ZNF280D: variants seen among roughly 807,000 people sequenced by gnomAD.
ZNF280D encodes suppressor of hairy wing homolog 4.
A neutral mutation model predicts 94.7 loss-of-function variants in ZNF280D; 39 were observed. The observed-to-expected ratio is 0.41, with a 90% CI of 0.32 to 0.54. ZNF280D has a LOEUF of 0.54. ZNF280D is among the 20% of genes least tolerant of loss of function. The pLI is 0.22. For missense variants in ZNF280D, 1,090 were observed against 1,149.3 expected (o/e 0.95, Z 0.75); for synonymous variants, 398 against 377.6 (o/e 1.05, Z -0.63).
At chr15:56,721,010 T>C (rs2058332233) in intron 1 of ZNF280D, among the ~76,000 whole-genome samples, 1 of 148,380 alleles carries the variant, frequency 6.7e-6, no homozygotes. Flanking sequence ...TTGACCAGCC[T>C]TGAGTGCAGT....
chr15:56,700,476 CA>C lies in ZNF280D; in HGVS notation c.381+456del. On this transcript the variant is annotated intron_variant, in intron 6 of 21. Coordinates refer to ENST00000267807, the MANE Select transcript of ZNF280D (RefSeq NM_017661.4). ...TACCATTTTCTATTACTTTTTGTAA[CA>C]AAAAAAGTGGGAGTTTTTTGTAATA... The C allele has an allele frequency of 4.2e-6, 4 of 950,914 alleles. No homozygotes were observed. In the South Asian group the frequency reaches 1.3e-4, roughly 31 times the overall value. The allele number at this position is 950,914 out of a possible 1,614,324, so 58.9% of individuals were successfully genotyped here.
At chr15:56,649,405 G>T (rs1048594799) in intron 19 of ZNF280D, among the ~76,000 whole-genome samples, 9 of 152,022 alleles carry the variant, frequency 5.9e-5, no homozygotes, top group Non-Finnish European at 1.3e-4. Context: ...AGTCCAAATT[G>T]CCAGAAACCA....
intron 6 of ZNF280D, among the ~76,000 whole-genome samples, chr15:56,697,590 A>G (rs2056830811): frequency 6.6e-6 from 1 of 152,220 alleles, no homozygotes; most frequent in Non-Finnish European, 1.5e-5. Context: ...TAAACAATAT[A>G]CATTTTTAGG....
At chr15:56,639,968 T>G (rs1446643709) in intron 20 of ZNF280D, among the ~76,000 whole-genome samples, 2 of 152,150 alleles carry the variant, frequency 1.3e-5, no homozygotes, top group Non-Finnish European at 2.9e-5. Context: ...CAGCGATTTT[T>G]TTTTTATGTG....
intron 19 of ZNF280D, chr15:56,653,410 G>T (rs1483265937): frequency 1.5e-6 from 2 of 1,375,650 alleles, no homozygotes; most frequent in Non-Finnish European, 1.9e-6. Context: ...CCTTATGGGA[G>T]GCCAGCCATG....
chr15:56,658,522 T>C (rs746451879), intron 16 of ZNF280D, 36 bp from the exon 17 acceptor site: 3 of 1,429,424 alleles, frequency 2.1e-6, no homozygotes, highest in Non-Finnish European at 2.8e-6. Flanking sequence ...AATTTTATTA[T>C]ACAATAAGTC....
Position 56,699,466 on chromosome 15 carries a change from A to G in ZNF280D, c.381+1467T>C, listed in dbSNP as rs1053418891. 20 of 841,328 alleles carry G rather than the reference A, an allele frequency of 2.4e-5. No homozygotes were observed. The East Asian group carries it at 2.2e-3, about 94-fold the overall frequency. The allele number at this position is 841,328 out of a possible 1,614,324, so 52.1% of individuals were successfully genotyped here. On this transcript the variant is annotated intron_variant, in intron 6 of 21. Coordinates refer to ENST00000267807, the MANE Select transcript of ZNF280D (RefSeq NM_017661.4). ...ATTTTTTGGTTTTAGATATTAATCT[A>G]TACCCAGTTCAAACTGTGGAAACTG... is the stretch of plus-strand genomic sequence containing the variant.
At position 56,700,981 on chromosome 15, in the gene ZNF280D, C is replaced by G. The variant is rs771671078; in HGVS notation, c.333G>C (p.Glu111Asp). ...TAACAGAACTATCTGAAGATCTAGA[C>G]TCAGGATGAAAATTTATTGGTGAGG... ...VPASPINFHP[E>D]SRSSDSSVIV... The change falls in exon 6 of 22, where the codon GAG (glutamate) becomes GAC (aspartate). Residue 111 changes from glutamate (E) to aspartate (D), a missense_variant. By Grantham distance (45) the Glu-to-Asp change is conservative. Around this residue, in one of 3 missense-constraint regions of ZNF280D, gnomAD observed 386 missense variants for 372.0 expected, o/e 1.04. Coordinates refer to ENST00000267807, the MANE Select transcript of ZNF280D (RefSeq NM_017661.4). 1.2e-6 allele frequency: 2 copies of G among 1,613,712 alleles called. No homozygotes were observed. Among genetic ancestry groups the G allele is most frequent in the African/African-American group, 2.7e-5 (2 of 74,886 alleles).
In ZNF280D at chr15:56,661,883, T is replaced by C. The variant is rs564326504; in HGVS notation, c.1995-3397A>G. Among the ~76,000 whole-genome samples, 15 of 152,296 alleles carry C rather than the reference T, an allele frequency of 9.8e-5. No homozygotes were observed. The South Asian group carries it at 2.9e-3, about 30-fold the overall frequency. On this transcript the variant is annotated intron_variant, in intron 16 of 21. Transcript: ENST00000267807. ...CAGTTTTTCTAAAAGTCACAATAAC[T>C]TTCTTTTCAAGAAATGCAATCTGAG...
chr15:56,682,242 G>A lies in ZNF280D; in HGVS notation c.1004+12C>T. ...CAATTTTCAATAGAAATAAAAACAAGTATTTACATACCTAATGTTATTTTT... is the reference window on the plus strand; with the variant it reads ...CAATTTTCAATAGAAATAAAAACAAATATTTACATACCTAATGTTATTTTT... On this transcript the variant is annotated intron_variant, in intron 10 of 21. Coordinates refer to ENST00000267807, the MANE Select transcript of ZNF280D (RefSeq NM_017661.4). 6.7e-7 allele frequency: 1 copy of A among 1,493,578 alleles called. No homozygotes were observed. The highest frequency in any genetic ancestry group is 9.0e-7 in the Non-Finnish European group (1 of 1,105,972). 92.5% of individuals were successfully genotyped at this position (1,493,578 alleles called of 1,614,324 possible). A position where few individuals can be genotyped will look rare whatever the true frequency, so the allele number is the denominator to read the frequency against.
chr15:56,689,271 T>C, intron 8 of ZNF280D, 29 bp downstream of exon 8: 1 of 1,584,362 alleles, frequency 6.3e-7, no homozygotes. Flanking sequence ...TACTATAACT[T>C]CTTTTTATGT....
chr15:56,700,277 G>A, intron 6 of ZNF280D: 2 of 654,414 alleles, frequency 3.1e-6, no homozygotes, highest in Non-Finnish European at 3.8e-6. Context: ...TGCCAGCTTT[G>A]GGATCTTGAA....
chr15:56,635,658 T>G (rs1050128257), intron 20 of ZNF280D: 4 of 152,398 alleles, frequency 2.6e-5, no homozygotes, highest in African/African-American at 9.6e-5. Context: ...GGTATTTAGA[T>G]AAAACATTTC....
At chr15:56,723,017 G>C (rs1355428851) in intron 1 of ZNF280D, among the ~76,000 whole-genome samples, 2 of 142,384 alleles carry the variant, frequency 1.4e-5, no homozygotes, top group Non-Finnish European at 3.0e-5. Flanking sequence ...TCATAGGTGG[G>C]AAATGAACAA....
At position 56,631,332 on chromosome 15, in the gene ZNF280D, G is replaced by T; in HGVS notation, c.*166C>A. On this transcript the variant is annotated 3_prime_UTR_variant, in exon 22 of 22. Transcript: ENST00000267807. ...CCCTACTAATCATGCTATTATTGGT[G>T]AATTGATTTGTTTGATAACATAGGT... 3.0e-6 allele frequency: 2 copies of T among 674,428 alleles called. No homozygotes were observed. The highest frequency in any genetic ancestry group is 4.9e-6 in the Non-Finnish European group (2 of 410,282). 41.8% of individuals were successfully genotyped at this position (674,428 alleles called of 1,614,324 possible). A position where few individuals can be genotyped will look rare whatever the true frequency, so the allele number is the denominator to read the frequency against.
intron 6 of ZNF280D, among the ~76,000 whole-genome samples, chr15:56,694,480 T>C (rs959164402): frequency 6.6e-6 from 1 of 152,076 alleles, no homozygotes; most frequent in Non-Finnish European, 1.5e-5. Flanking sequence ...GAAAAAAGGC[T>C]ATCACTTTAG....
intron 19 of ZNF280D, among the ~76,000 whole-genome samples, chr15:56,651,647 A>T (rs1407148884): frequency 6.6e-6 from 1 of 151,906 alleles, no homozygotes; most frequent in Non-Finnish European, 1.5e-5. Flanking sequence ...GGTCGCCCCT[A>T]CCTCCCCAAA....
intron 4 of ZNF280D, among the ~76,000 whole-genome samples, chr15:56,702,140 A>G (rs1207836780): frequency 6.6e-6 from 1 of 152,126 alleles, no homozygotes; most frequent in Non-Finnish European, 1.5e-5. Context: ...TCACACAGAA[A>G]TATGGTTGTT....
intron 19 of ZNF280D, among the ~76,000 whole-genome samples, chr15:56,648,480 G>A (rs1392606199): frequency 6.6e-6 from 1 of 151,792 alleles, no homozygotes; most frequent in African/African-American, 2.4e-5. Flanking sequence ...AAACAAGGCA[G>A]GATGTACACC....
Sources: gnomAD v4.1 joint callset for allele counts (sites outside exome capture counted in the v4.1 genomes callset) on GRCh38, gnomAD v4.1.1 for gene constraint, gnomAD v4.1.1 regional missense constraint, MANE v1.5 for transcripts, NCBI Gene and HGNC (gene_info 2026-07-23, HGNC 2026-07-21) for gene names.